UNC13B: variants seen among roughly 807,000 people sequenced by gnomAD.
UNC13B encodes the protein protein unc-13 homolog B.
Under a neutral mutation model 211.0 loss-of-function variants are expected in UNC13B, and 144 were observed. The ratio of observed to expected loss-of-function variants is 0.68; its 90% CI spans 0.60 to 0.78. UNC13B has a LOEUF of 0.78. UNC13B is among the 30% of genes least tolerant of loss of function. The pLI, the probability that UNC13B is intolerant of heterozygous loss-of-function variation, is 0.00. For missense variants in UNC13B, 1,777 were observed against 2,002.0 expected (o/e 0.89, Z 2.14); for synonymous variants, 709 against 725.8 (o/e 0.98, Z 0.37).
At chr9:35,226,648 G>A (rs939728128) in intron 1 of UNC13B, among the ~76,000 whole-genome samples, 1 of 152,202 alleles carries the variant, frequency 6.6e-6, no homozygotes, top group Non-Finnish European at 1.5e-5. Context: ...GGATGTTCAA[G>A]GGCAGGAATC....
At chr9:35,312,373 C>T (rs1353236760) in intron 10 of UNC13B, among the ~76,000 whole-genome samples, 3 of 152,208 alleles carry the variant, frequency 2.0e-5, no homozygotes, top group Non-Finnish European at 4.4e-5. Context: ...GGTAGCTCAT[C>T]TAATAGATGG....
At chr9:35,395,062 G>A (rs1470765630) in intron 26 of UNC13B, among the ~76,000 whole-genome samples, 1 of 152,092 alleles carries the variant, frequency 6.6e-6, no homozygotes, top group African/African-American at 2.4e-5. Flanking sequence ...TAGGTTCTTA[G>A]ACTGGTTCCA....
chr9:35,229,494 C>G (rs760932649), intron 2 of UNC13B, among the ~76,000 whole-genome samples: 1 of 152,134 alleles, frequency 6.6e-6, no homozygotes, highest in South Asian at 2.1e-4. Flanking sequence ...GCACCAACCA[C>G]CAATTGTCAA....
intron 11 of UNC13B, among the ~76,000 whole-genome samples, chr9:35,329,737 C>G (rs186964107): frequency 5.8e-4 from 88 of 152,148 alleles, no homozygotes; most frequent in Non-Finnish European, 1.0e-3. Flanking sequence ...AATCTGCCCC[C>G]CTTGGCCTCC....
At chr9:35,375,250 A>T (rs199796132) in intron 14 of UNC13B, 49 bp downstream of exon 14, 309 of 1,576,448 alleles carry the variant, frequency 2.0e-4, no homozygotes, top group Non-Finnish European at 2.5e-4. Context: ...AGGACTGGTG[A>T]TCATCTCTGT....
chr9:35,353,356 T>G, intron 11 of UNC13B: 1 of 1,232,258 alleles, frequency 8.1e-7, no homozygotes, highest in Non-Finnish European at 1.0e-6. Flanking sequence ...CCATCAGTCC[T>G]GAGGACCTGG....
At chr9:35,300,062 C>T in intron 8 of UNC13B, 104 bp from the exon 9 acceptor site, 2 of 397,186 alleles carry the variant, frequency 5.0e-6, no homozygotes, top group Middle Eastern at 6.3e-4. Flanking sequence ...ATACTACAGC[C>T]AACAAAAACA....
chr9:35,390,589 C>G, intron 25 of UNC13B, 40 bp from the exon 26 acceptor site: 3 of 1,602,034 alleles, frequency 1.9e-6, no homozygotes, highest in Non-Finnish European at 2.6e-6. Flanking sequence ...TCAAATGGCT[C>G]TTGCCTTATT....
chr9:35,401,572 G>C (rs1343516693), intron 37 of UNC13B, among the ~76,000 whole-genome samples: 1 of 152,230 alleles, frequency 6.6e-6, no homozygotes, highest in South Asian at 2.1e-4. Flanking sequence ...CATATGATGA[G>C]AGCAGGGTTG....
At chr9:35,291,262 T>C (rs1387284251) in intron 7 of UNC13B, among the ~76,000 whole-genome samples, 1 of 152,238 alleles carries the variant, frequency 6.6e-6, no homozygotes, top group African/African-American at 2.4e-5. Context: ...TGGAATGTTA[T>C]ATCCTTTCAG....
chr9:35,291,130 C>A, intron 7 of UNC13B: 1 of 1,549,370 alleles, frequency 6.5e-7, no homozygotes, highest in South Asian at 1.2e-5. Flanking sequence ...AATTCCTTAT[C>A]ATTTTCTTGA....
intron 7 of UNC13B, among the ~76,000 whole-genome samples, chr9:35,295,273 T>G (rs1829295503): frequency 6.6e-6 from 1 of 152,194 alleles, no homozygotes; most frequent in African/African-American, 2.4e-5. Flanking sequence ...AGTTTTGGGG[T>G]TTTTTTCCCC....
intron 1 of UNC13B, among the ~76,000 whole-genome samples, chr9:35,171,587 T>G (rs1821335352): frequency 6.6e-6 from 1 of 152,012 alleles, no homozygotes; most frequent in Admixed American, 6.6e-5. Flanking sequence ...AATTTTTTTG[T>G]AGAGATGGGT....
Position 35,306,524 on chromosome 9 carries a change from A to G in UNC13B, c.7120A>G (p.Asn2374Asp), listed in dbSNP as rs1308471643. Residue 2374 changes from asparagine to aspartate, a missense_variant, in exon 9 of 40, where the codon AAC becomes GAC. Physicochemically the swap from Asn to Asp is conservative, Grantham distance 23. Transcript: ENST00000635942. ...AGCCTTCCCCAGTGACTCACTGTCC[A>G]ACTCTTTTTCACATGCTAAACAGTT... ...HKAFPSDSLS[N>D]SFSHAKQLIE... The G allele has an allele frequency of 2.5e-6, 1 of 399,062 alleles. No individual in the cohort carries two copies. Among genetic ancestry groups the G allele is most frequent in the Non-Finnish European group, 4.4e-6 (1 of 226,072 alleles). 24.7% of individuals were successfully genotyped at this position (399,062 alleles called of 1,614,324 possible).
At position 35,302,341 on chromosome 9, in the gene UNC13B, G is replaced by A. The variant is rs1046434866; in HGVS notation, c.2937G>A (p.Glu979=). 6.5e-5 allele frequency: 26 copies of A among 398,418 alleles called. No individual in the cohort carries two copies. Among genetic ancestry groups the A allele is most frequent in the African/African-American group, 4.3e-4 (21 of 48,662 alleles). The allele number at this position is 398,418 out of a possible 1,614,324, so 24.7% of individuals were successfully genotyped here. The part of the protein sequence containing the change: ...SSVPNIHDDL[E]KFDSIKEFNK... ...TTCCAAATATTCATGATGATCTAGA[G>A]AAGTTTGACAGTATAAAGGAATTTA... The change falls in exon 9 of 40, where the codon GAG becomes GAA. Residue 979 remains glutamate (E), a synonymous_variant. Transcript: ENST00000635942.
In UNC13B at chr9:35,279,809, C is replaced by A. The variant is rs375703689; in HGVS notation, c.527-15887C>A. Among the ~76,000 whole-genome samples the A allele has an allele frequency of 2.9e-4, 44 of 152,270 alleles. No individual in the cohort carries two copies. The South Asian group carries it at 8.7e-3, about 30-fold the overall frequency. ...CCACTTACAAAGTATGAGAGTGCTT[C>A]ATCTTTCCTTAGCTTTTAGGAATAG... On this transcript the variant is annotated intron_variant, in intron 7 of 39. Coordinates refer to ENST00000635942, the MANE Select transcript of UNC13B (RefSeq NM_001371189.2).
intron 12 of UNC13B, among the ~76,000 whole-genome samples, chr9:35,369,690 C>G (rs900321624): frequency 6.6e-6 from 1 of 152,088 alleles, no homozygotes; most frequent in African/African-American, 2.4e-5. Flanking sequence ...TTTGTTTTTT[C>G]TTCCCTTAGG....
At chr9:35,178,169 A>G (rs1276305297) in intron 1 of UNC13B, among the ~76,000 whole-genome samples, 1 of 152,206 alleles carries the variant, frequency 6.6e-6, no homozygotes, top group Non-Finnish European at 1.5e-5. Context: ...CATCCACTAT[A>G]AGATGCCATA....
Position 35,295,870 on chromosome 9 carries a change from A to G in UNC13B, c.701A>G (p.Asp234Gly), listed in dbSNP as rs776800953. ...QQLLLQGSSR[D>G]SCNDSMQSYD... ...CTGCTACTTCAAGGCAGTTCCCGGG[A>G]CTCTTGTAATGACTCTATGCAAAGT... The change falls in exon 8 of 40, where the codon GAC becomes GGC. Residue 234 changes from aspartate (D) to glycine (G), a missense_variant. Physicochemically the swap from Asp to Gly is moderately conservative, Grantham distance 94 (BLOSUM62 -1). Coordinates refer to ENST00000635942, the MANE Select transcript of UNC13B (RefSeq NM_001371189.2). The G allele has an allele frequency of 6.2e-7, 1 of 1,613,520 alleles. No individual in the cohort carries two copies. The highest frequency in any genetic ancestry group is 8.5e-7 in the Non-Finnish European group (1 of 1,179,880).
Sources: gnomAD v4.1 joint callset for allele counts (sites outside exome capture counted in the v4.1 genomes callset) on GRCh38, gnomAD v4.1.1 for gene constraint, MANE v1.5 for transcripts, NCBI Gene and HGNC (gene_info 2026-07-23, HGNC 2026-07-21) for gene names.